IGF2R: variants seen among roughly 807,000 people sequenced by gnomAD.
The protein encoded by IGF2R is cation-independent mannose-6-phosphate receptor.
In IGF2R, 91 loss-of-function variants were observed where a neutral mutation model predicts 270.6. The observed-to-expected ratio is 0.34, with a 90% confidence interval of 0.28 to 0.40. IGF2R has a LOEUF of 0.40. IGF2R is among the 10% of genes least tolerant of loss of function. IGF2R has a pLI of 1.00. For missense variants in IGF2R, 2,805 were observed against 3,188.3 expected, an observed-to-expected ratio of 0.88 and a Z score of 2.90; for synonymous variants, 1,316 against 1,258.9, an observed-to-expected ratio of 1.05 and a Z score of -0.96.
chr6:159,969,956 A>AT (rs201922336), intron 1 of IGF2R, among the ~76,000 whole-genome samples: 1 of 151,418 alleles, frequency 6.6e-6, no homozygotes, highest in South Asian at 2.1e-4. Context: ...ATATATATAT[A>AT]TTTTTAGCAG....
intron 4 of IGF2R, among the ~76,000 whole-genome samples, chr6:160,012,160 A>C (rs1410708689): frequency 1.3e-5 from 2 of 152,184 alleles, no homozygotes; most frequent in Non-Finnish European, 2.9e-5. Context: ...AAAAAGTTTA[A>C]AGTGGAAAGA....
chr6:160,065,814 G>GTGTGTGTATATATCTATATA, intron 29 of IGF2R, among the ~76,000 whole-genome samples: 1 of 78,392 alleles, frequency 1.3e-5, no homozygotes, highest in Non-Finnish European at 2.3e-5. Flanking sequence ...GTGTGTGTGT[G>GTGTGTGTATATATCTATATA]TATATATATA....
intron 2 of IGF2R, among the ~76,000 whole-genome samples, chr6:160,001,602 AT>A (rs1784130997): frequency 1.3e-5 from 2 of 152,266 alleles, no homozygotes; most frequent in Non-Finnish European, 2.9e-5. Flanking sequence ...CTGCCCTAAA[AT>A]TTTTTATAGT....
chr6:160,065,775 TA>T (rs1162766242), intron 29 of IGF2R, among the ~76,000 whole-genome samples: 2 of 119,060 alleles, frequency 1.7e-5, no homozygotes, highest in Non-Finnish European at 3.3e-5. Context: ...TTCCTAGAGA[TA>T]TGTGTATGTG....
chr6:159,992,772 A>G (rs1420453303), intron 2 of IGF2R, among the ~76,000 whole-genome samples: 2 of 152,156 alleles, frequency 1.3e-5, no homozygotes, highest in African/African-American at 4.8e-5. Context: ...TCAAGTATAT[A>G]TTCAGTAGTG....
chr6:160,019,545 A>T (rs1157855923), intron 4 of IGF2R, among the ~76,000 whole-genome samples: 1 of 152,236 alleles, frequency 6.6e-6, no homozygotes, highest in African/African-American at 2.4e-5. Flanking sequence ...AATATCTATG[A>T]TAAACAGATT....
At chr6:160,062,504 C>G in intron 25 of IGF2R, 28 bp from the exon 26 acceptor site, 1 of 1,553,688 alleles carries the variant, frequency 6.4e-7, no homozygotes, top group South Asian at 1.1e-5. Context: ...AAACAGGAAA[C>G]AAATCAGGCT....
Position 159,993,985 on chromosome 6 carries a change from ATTTTTTTTT to A in IGF2R, c.289+2679_289+2687del, listed in dbSNP as rs59369382. Among the ~76,000 whole-genome samples the A allele has an allele frequency of 1.2e-3, 72 of 61,042 alleles. 1 individual carries two copies. The highest frequency in any genetic ancestry group is 4.0e-3 in the African/African-American group (63 of 15,610). 40.0% of individuals were successfully genotyped at this position (61,042 alleles called of 152,430 possible). ...GTTAGGGAGGATTCCCTCCAACTTG[ATTTTTTTTT>A]TTTTTTTTTTTTTTTTCAGGGAGTA... On this transcript the variant is annotated intron_variant, in intron 2 of 47. Transcript: ENST00000356956.
At position 160,102,806 on chromosome 6, in the gene IGF2R, A is replaced by G; in HGVS notation, c.6995+135A>G. 9.6e-7 allele frequency: 1 copy of G among 1,040,696 alleles called. No individual in the cohort carries two copies. The highest frequency in any genetic ancestry group is 2.8e-4 in the Middle Eastern group (1 of 3,512). 64.5% of individuals were successfully genotyped at this position (1,040,696 alleles called of 1,614,324 possible). On this transcript the variant is annotated intron_variant, in intron 46 of 47. Coordinates refer to ENST00000356956, the MANE Select transcript of IGF2R (RefSeq NM_000876.4). This position sits in a 1 kb window ranked among gnomAD's most constrained non-coding sequence, Gnocchi z 4.5. ...CGAAGGCTCGAGGTTCTTAGTCCAA[A>G]ACTCTCTGGAAGCAGTCCCCAGCGT...
At chr6:160,036,086 T>C (rs543689061) in intron 10 of IGF2R, among the ~76,000 whole-genome samples, 2 of 152,292 alleles carry the variant, frequency 1.3e-5, no homozygotes, top group Non-Finnish European at 2.9e-5. Flanking sequence ...TGTGCAGTAT[T>C]GTAAGAAACT....
At chr6:160,072,613 C>G (rs1778767236) in intron 32 of IGF2R, 152 bp from the exon 33 acceptor site, 1 of 746,472 alleles carries the variant, frequency 1.3e-6, no homozygotes, top group Non-Finnish European at 2.3e-6. Context: ...ATGATACAGC[C>G]TGGCTGTTGG....
At chr6:160,103,292 G>C (rs1379109006) in intron 46 of IGF2R, among the ~76,000 whole-genome samples, 2 of 150,884 alleles carry the variant, frequency 1.3e-5, no homozygotes, top group Non-Finnish European at 2.9e-5. Context: ...CTGCACTCTA[G>C]CCTGGGCAAC....
intron 31 of IGF2R, among the ~76,000 whole-genome samples, chr6:160,071,095 G>A (rs534802033): frequency 6.6e-6 from 1 of 150,690 alleles, no homozygotes; most frequent in East Asian, 2.0e-4. Context: ...CATGTCCAGA[G>A]CCCAGGAGGC....
At chr6:159,980,022 A>G (rs896178175) in intron 1 of IGF2R, among the ~76,000 whole-genome samples, 2 of 152,030 alleles carry the variant, frequency 1.3e-5, no homozygotes, top group Non-Finnish European at 2.9e-5. Flanking sequence ...TACTAAAAAT[A>G]CAAAAAATCT....
intron 21 of IGF2R, 82 bp downstream of exon 21, chr6:160,058,206 T>C (rs1217671503): frequency 1.5e-5 from 13 of 894,660 alleles, no homozygotes; most frequent in African/African-American, 4.9e-5. Flanking sequence ...CGTGGTGATA[T>C]GAGAGAATTG....
rs766851384 is a variant in IGF2R, at chr6:160,102,899, C to T, written c.6995+228C>T. ...GGCCCTCGCACATCACCCGTGCCTG[C>T]GGCTTCTAGGACCGTGGTCCTTTGT... On this transcript the variant is annotated intron_variant, in intron 46 of 47. Coordinates refer to ENST00000356956, the MANE Select transcript of IGF2R (RefSeq NM_000876.4). This position sits in a 1 kb window ranked among gnomAD's most constrained non-coding sequence, Gnocchi z 4.5. Among the ~76,000 whole-genome samples, 6 of 152,178 alleles carry T rather than the reference C, an allele frequency of 3.9e-5. No homozygotes were observed. Among genetic ancestry groups the T allele is most frequent in the Non-Finnish European group, 7.3e-5 (5 of 68,034 alleles).
chr6:160,079,724 G>T lies in IGF2R; in HGVS notation c.5623G>T (p.Asp1875Tyr), dbSNP rs1466240932. The T allele has an allele frequency of 2.0e-6, 3 of 1,499,642 alleles. No individual in the cohort carries two copies. The highest frequency in any genetic ancestry group is 2.4e-5 in the East Asian group (1 of 41,972). 92.9% of individuals were successfully genotyped at this position (1,499,642 alleles called of 1,614,324 possible). The stretch of plus-strand genomic sequence containing the variant: ...TGGACGGCTGCAATCAATGAAACTG[G>T]ATTACAGGCACCAGGATGAAGCGGT... ...SFGRLQSMKL[D>Y]YRHQDEAVVL... Residue 1875 changes from aspartate (D) to tyrosine (Y), a missense_variant, in exon 38 of 48, where the codon GAT (aspartate) becomes TAT (tyrosine). Asp to Tyr is a radical substitution (Grantham distance 160). Coordinates refer to ENST00000356956, the MANE Select transcript of IGF2R (RefSeq NM_000876.4).
chr6:160,105,217 A>G lies in IGF2R; in HGVS notation c.*133A>G, dbSNP rs1004161143. On this transcript the variant is annotated 3_prime_UTR_variant, in exon 48 of 48. Transcript: ENST00000356956. ...CTTTCAAAAGGGAAGAGTTTTTGTG[A>G]TGGGGGAGAGGGTGAAGGAGGTCAG... 4.0e-6 allele frequency: 3 copies of G among 742,188 alleles called. No individual in the cohort carries two copies. Among genetic ancestry groups the G allele is most frequent in the Non-Finnish European group, 6.5e-6 (3 of 462,044 alleles). The allele number at this position is 742,188 out of a possible 1,614,324, so 46.0% of individuals were successfully genotyped here.
chr6:159,981,503 T>C (rs953742523), intron 1 of IGF2R, among the ~76,000 whole-genome samples: 28 of 152,310 alleles, frequency 1.8e-4, no homozygotes, highest in Admixed American at 1.1e-3. Flanking sequence ...CCAACTCACC[T>C]TTTTTTGTAA....
Sources: gnomAD v4.1 joint callset for allele counts (sites outside exome capture counted in the v4.1 genomes callset) on GRCh38, gnomAD v4.1.1 for gene constraint, Gnocchi (gnomAD v3.1) non-coding constraint, MANE v1.5 for transcripts, NCBI Gene and HGNC (gene_info 2026-07-23, HGNC 2026-07-21) for gene names.